The following SERINC1 variants were observed in gnomAD, a reference collection of about 807,000 sequenced individuals.
SERINC1 encodes the protein tumor differentially expressed protein 2.
A neutral mutation model predicts 52.9 loss-of-function variants in SERINC1; 38 were observed. The ratio of observed to expected loss-of-function variants is 0.72; its 90% confidence interval spans 0.55 to 0.94. The LOEUF (loss-of-function observed/expected upper bound fraction) is 0.94, where lower values mean the gene tolerates loss of function less well. Among genes scored for constraint, SERINC1 ranks in the 40% least tolerant of loss-of-function variants. SERINC1 has a pLI of 0.00. For missense variants in SERINC1, 471 were observed against 533.9 expected, an observed-to-expected ratio of 0.88 and a Z score of 1.16; for synonymous variants, 198 against 183.1, an observed-to-expected ratio of 1.08 and a Z score of -0.66.
intron 3 of SERINC1, among the ~76,000 whole-genome samples, chr6:122,455,413 A>T (rs1202097674): frequency 6.6e-6 from 1 of 151,666 alleles, no homozygotes; most frequent in African/African-American, 2.4e-5. Context: ...AAAAAAAGTG[A>T]AAAGACTAGA....
In SERINC1 at chr6:122,447,310, A is replaced by G. The variant is rs766233017; in HGVS notation, c.851-45T>C. ...TAAAATGTTAGAATATATTAAAAAG[A>G]TGTTTTTCAGAGCAAACAAAAGTTA... On this transcript the variant is annotated intron_variant, in intron 7 of 9. Coordinates refer to ENST00000339697, the MANE Select transcript of SERINC1 (RefSeq NM_020755.4). 9 of 1,497,932 alleles carry G rather than the reference A, an allele frequency of 6.0e-6. No homozygotes were observed. In the East Asian group the frequency reaches 2.0e-4, roughly 34 times the overall value. The allele number at this position is 1,497,932 out of a possible 1,614,324, so 92.8% of individuals were successfully genotyped here. A position where few individuals can be genotyped will look rare whatever the true frequency, so the allele number is the denominator to read the frequency against.
At chr6:122,468,537 C>CTT (rs996487077) in intron 1 of SERINC1, among the ~76,000 whole-genome samples, 2 of 149,414 alleles carry the variant, frequency 1.3e-5, no homozygotes, top group Admixed American at 6.7e-5. Context: ...TTAAGAATTA[C>CTT]TTTTTTTTTT....
chr6:122,465,081 A>G (rs1450264870), intron 1 of SERINC1, among the ~76,000 whole-genome samples: 1 of 152,158 alleles, frequency 6.6e-6, no homozygotes, highest in African/African-American at 2.4e-5. Context: ...AAAGAACTAG[A>G]TCTTTTGTTC....
intron 1 of SERINC1, among the ~76,000 whole-genome samples, chr6:122,465,749 G>A (rs530768280): frequency 6.6e-6 from 1 of 152,290 alleles, no homozygotes; most frequent in South Asian, 2.1e-4. Flanking sequence ...ATGAAAGTGG[G>A]AGGAGTGGAT....
Position 122,451,707 on chromosome 6 carries a change from G to T in SERINC1, c.807C>A (p.Val269=). The change falls in exon 7 of 10, where the codon GTC becomes GTA. Residue 269 remains valine, a synonymous_variant. Coordinates refer to ENST00000339697, the MANE Select transcript of SERINC1 (RefSeq NM_020755.4). ...CTGACCATGTCAAATACATTGTGTA[G>T]ACTGTAATTACTGAAGACTGTAACA... ...SGLLQSSVIT[V]YTMYLTWSAM... The T allele has an allele frequency of 3.5e-6, 4 of 1,130,038 alleles. No homozygotes were observed. The highest frequency in any genetic ancestry group is 3.5e-6 in the Non-Finnish European group (3 of 866,376). The allele number at this position is 1,130,038 out of a possible 1,614,324, so 70.0% of individuals were successfully genotyped here. A position where few individuals can be genotyped will look rare whatever the true frequency, so the allele number is the denominator to read the frequency against.
At chr6:122,471,572 G>T in intron 1 of SERINC1, 127 bp downstream of exon 1, 1 of 1,100,044 alleles carries the variant, frequency 9.1e-7, no homozygotes, top group Non-Finnish European at 1.4e-6. Context: ...AAGAAAACGG[G>T]GACAGAGAGG....
chr6:122,451,979 G>T lies in SERINC1; in HGVS notation c.668C>A (p.Pro223Gln), dbSNP rs1774916757. The T allele has an allele frequency of 6.3e-7, 1 of 1,599,336 alleles. No individual in the cohort carries two copies. Among genetic ancestry groups the T allele is most frequent in the African/African-American group, 1.4e-5 (1 of 73,630 alleles). The change falls in exon 6 of 10, where the codon CCA (proline) becomes CAA (glutamine). Residue 223 changes from proline (P) to glutamine (Q), a missense_variant. Transcript: ENST00000339697. The part of the protein sequence containing the change: ...IVLFFVYYTH[P>Q]ASCSENKAFI... ...CGCCTTGTTTTCTGAACAACTGGCT[G>T]GATGAGTGTAGTAGACAAAGAACAG...
intron 5 of SERINC1, among the ~76,000 whole-genome samples, chr6:122,452,879 C>A (rs771551992): frequency 6.6e-5 from 10 of 152,086 alleles, no homozygotes; most frequent in Non-Finnish European, 7.4e-5. Flanking sequence ...TAAAACACCA[C>A]AAATTAGTTG....
At position 122,457,528 on chromosome 6, in the gene SERINC1, G is replaced by A. The variant is rs568493499; in HGVS notation, c.202-878C>T. Among the ~76,000 whole-genome samples the A allele has an allele frequency of 9.8e-5, 15 of 152,304 alleles. No homozygotes were observed. The East Asian group carries it at 2.7e-3, about 27-fold the overall frequency. On this transcript the variant is annotated intron_variant, in intron 2 of 9. Transcript: ENST00000339697. ...AACCCTCAATGGGAGGATAGTGGGA[G>A]ATAGGGCCTTTATGTGGTAATTAAA... is the stretch of plus-strand genomic sequence containing the variant.
chr6:122,445,505 C>T (rs1389896325), intron 9 of SERINC1, among the ~76,000 whole-genome samples: 1 of 152,024 alleles, frequency 6.6e-6, no homozygotes, highest in East Asian at 1.9e-4. Context: ...GTCACTATTA[C>T]ATAAGATTGT....
intron 1 of SERINC1, among the ~76,000 whole-genome samples, chr6:122,470,434 A>G (rs189789134): frequency 6.6e-6 from 1 of 152,362 alleles, no homozygotes; most frequent in Non-Finnish European, 1.5e-5. Flanking sequence ...TACAAATTGA[A>G]TTGCATAACA....
intron 7 of SERINC1, 52 bp downstream of exon 7, chr6:122,451,612 A>G: frequency 1.4e-6 from 1 of 712,638 alleles, no homozygotes; most frequent in Non-Finnish European, 2.4e-6. Context: ...CAATTTCTGG[A>G]AAAACAACAA....
chr6:122,457,541 T>C (rs1041997644), intron 2 of SERINC1, among the ~76,000 whole-genome samples: 1 of 152,156 alleles, frequency 6.6e-6, no homozygotes, highest in African/African-American at 2.4e-5. Context: ...AGGGCCTTTA[T>C]GTGGTAATTA....
At position 122,446,983 on chromosome 6, in the gene SERINC1, A is replaced by G. The variant is rs745609032; in HGVS notation, c.1017T>C (p.Ser339=). The change falls in exon 9 of 10, where the codon AGT becomes AGC. Residue 339 remains serine, a synonymous_variant. Coordinates refer to ENST00000339697, the MANE Select transcript of SERINC1 (RefSeq NM_020755.4). The part of the protein sequence containing the change: ...FYSSIRTSNN[S]QVNKLTLTSD... ...TTGTTAGAGTCAGTTTATTAACCTG[A>G]CTATTGTTTGAAGTACGGATGCTGT... The G allele has an allele frequency of 6.2e-7, 1 of 1,612,020 alleles. No individual in the cohort carries two copies. Among genetic ancestry groups the G allele is most frequent in the Non-Finnish European group, 8.5e-7 (1 of 1,178,110 alleles).
chr6:122,460,181 T>C (rs537328332), intron 1 of SERINC1, among the ~76,000 whole-genome samples: 274 of 152,318 alleles, frequency 1.8e-3, no homozygotes, highest in Non-Finnish European at 1.7e-3. Flanking sequence ...CAAGGGATTT[T>C]CCTGCCTCAG....
intron 1 of SERINC1, among the ~76,000 whole-genome samples, chr6:122,463,208 T>C (rs1210054583): frequency 1.3e-5 from 2 of 152,190 alleles, no homozygotes; most frequent in African/African-American, 4.8e-5. Context: ...ATGGAAAGGA[T>C]AATCTTTTTA....
chr6:122,451,571 A>C, intron 7 of SERINC1, 93 bp downstream of exon 7: 1 of 477,330 alleles, frequency 2.1e-6, no homozygotes, highest in Non-Finnish European at 3.8e-6. Flanking sequence ...CTAGAAGCCT[A>C]ATTTTTAAGT....
rs779617325 is a variant in SERINC1 at position 122,445,193 on chromosome 6, G to A, written c.1227-14C>T. ...GAGGGTTCATACCTAAAATTTCAGG[G>A]AAAATTATTAAAAAGGGGCAAGGGG... On this transcript the variant is annotated splice_polypyrimidine_tract_variant and intron_variant, in intron 9 of 9. Coordinates refer to ENST00000339697, the MANE Select transcript of SERINC1 (RefSeq NM_020755.4). 2 of 1,608,192 alleles carry A rather than the reference G, an allele frequency of 1.2e-6. No homozygotes were observed. Among genetic ancestry groups the A allele is most frequent in the South Asian group, 2.2e-5 (2 of 89,608 alleles).
Position 122,451,774 on chromosome 6 carries a change from A to AAAAAAAAAAAATAT in SERINC1, c.760-21_760-20insATATTTTTTTTTTT. On this transcript the variant is annotated intron_variant, in intron 6 of 9. Transcript: ENST00000339697. ...TGATTCCTACAAAAAAAAAAAAAAAAAAATATATATATATATATATAGCAA... is the reference window on the plus strand; with the variant it reads ...TGATTCCTACAAAAAAAAAAAAAAAAAAAAAAAAAAATATAAATATATATATATATATATAGCAA... 1 of 211,000 alleles carries AAAAAAAAAAAATAT rather than the reference A, an allele frequency of 4.7e-6. No individual in the cohort carries two copies. The highest frequency in any genetic ancestry group is 6.8e-6 in the Non-Finnish European group (1 of 147,526). The allele number at this position is 211,000 out of a possible 1,614,324, so 13.1% of individuals were successfully genotyped here.
Sources: gnomAD v4.1 joint callset for allele counts (sites outside exome capture counted in the v4.1 genomes callset) on GRCh38, gnomAD v4.1.1 for gene constraint, MANE v1.5 for transcripts, NCBI Gene and HGNC (gene_info 2026-07-23, HGNC 2026-07-21) for gene names.